Variants in APIP observed in about 807,000 individuals in gnomAD.
The protein encoded by APIP is methylthioribulose-1-phosphate dehydratase.
Under a neutral mutation model 32.0 loss-of-function variants are expected in APIP, and 32 were observed. The ratio of observed to expected loss-of-function variants is 1.00; its 90% CI spans 0.76 to 1.34. The LOEUF (loss-of-function observed/expected upper bound fraction) is 1.34, where lower values mean the gene tolerates loss of function less well. APIP is among the 40% of genes most tolerant of loss of function. The pLI, the probability that APIP is intolerant of heterozygous loss-of-function variation, is 0.00. For missense variants in APIP, 247 were observed against 298.6 expected, an observed-to-expected ratio of 0.83 and a Z score of 1.27; for synonymous variants, 92 against 94.8, an observed-to-expected ratio of 0.97 and a Z score of 0.17.
intron 1 of APIP, 113 bp downstream of exon 1, chr11:34,916,115 C>G (rs1265319834): frequency 7.1e-7 from 1 of 1,416,328 alleles, no homozygotes; most frequent in South Asian, 1.3e-5. Context: ...AGGCCCGAAA[C>G]CCCGCCCCGC....
chr11:34,888,945 C>G (rs1853137581), intron 3 of APIP, 76 bp from the exon 4 acceptor site: 2 of 818,602 alleles, frequency 2.4e-6, no homozygotes, highest in East Asian at 6.1e-5. Context: ...TTCTTGTGTA[C>G]ATATACATAA....
intron 1 of APIP, among the ~76,000 whole-genome samples, chr11:34,897,597 A>G (rs914007002): frequency 4.6e-5 from 7 of 152,024 alleles, no homozygotes; most frequent in African/African-American, 7.2e-5. Context: ...TGCAGCTCCA[A>G]AAACATTTCT....
At chr11:34,897,040 G>A (rs1280580008) in intron 1 of APIP, among the ~76,000 whole-genome samples, 2 of 152,116 alleles carry the variant, frequency 1.3e-5, no homozygotes, top group East Asian at 3.8e-4. Context: ...GGGTAAAGGG[G>A]GAAAAACATC....
intron 1 of APIP, among the ~76,000 whole-genome samples, chr11:34,901,887 C>T (rs1390878919): frequency 6.6e-6 from 1 of 152,134 alleles, no homozygotes; most frequent in African/African-American, 2.4e-5. Flanking sequence ...ACAGTATCCC[C>T]TGAGCCCAGA....
intron 1 of APIP, among the ~76,000 whole-genome samples, chr11:34,897,369 T>C (rs1214062296): frequency 6.6e-6 from 1 of 152,222 alleles, no homozygotes; most frequent in Non-Finnish European, 1.5e-5. Context: ...GCTGTGAGGA[T>C]TAAAATGAGA....
At chr11:34,903,161 C>T (rs941496836) in intron 1 of APIP, among the ~76,000 whole-genome samples, 12 of 152,250 alleles carry the variant, frequency 7.9e-5, no homozygotes, top group Non-Finnish European at 1.3e-4. Context: ...CAGCCACCTT[C>T]TTCCCCAAGG....
intron 1 of APIP, among the ~76,000 whole-genome samples, chr11:34,900,718 C>T (rs1023391366): frequency 5.3e-5 from 8 of 152,008 alleles, no homozygotes; most frequent in African/African-American, 1.7e-4. Context: ...AGTGGAAACT[C>T]CATTCCTACT....
intron 1 of APIP, among the ~76,000 whole-genome samples, chr11:34,901,186 A>G (rs1018930181): frequency 4.6e-5 from 7 of 152,140 alleles, no homozygotes; most frequent in Non-Finnish European, 1.0e-4. Flanking sequence ...GCAAGCTTGC[A>G]AAGTCCAGAA....
chr11:34,908,638 C>T (rs7113708), intron 1 of APIP, among the ~76,000 whole-genome samples: 28,856 of 152,286 alleles, frequency 0.19, 3,910 homozygotes, highest in African/African-American at 0.39. Flanking sequence ...GTCAGTGATA[C>T]TTTCTGGGCA....
rs568178086 is a variant in APIP at position 34,913,064 on chromosome 11, A to G, written c.57+3164T>C. ...CTTTTCTCACTACACACATCTAATCAATAACCAAGACCTCCTGATTTTACT... is the reference window on the plus strand; with the variant it reads ...CTTTTCTCACTACACACATCTAATCGATAACCAAGACCTCCTGATTTTACT... On this transcript the variant is annotated intron_variant, in intron 1 of 6. Coordinates refer to ENST00000395787, the MANE Select transcript of APIP (RefSeq NM_015957.4). Among the ~76,000 whole-genome samples the G allele has an allele frequency of 2.0e-5, 3 of 152,190 alleles. No individual in the cohort carries two copies. The South Asian group carries it at 6.2e-4, about 32-fold the overall frequency.
At chr11:34,897,987 G>C (rs2133913878) in intron 1 of APIP, among the ~76,000 whole-genome samples, 1 of 151,948 alleles carries the variant, frequency 6.6e-6, no homozygotes, top group East Asian at 1.9e-4. Flanking sequence ...TCTGTACAGG[G>C]GAGCTTCTTT....
chr11:34,905,852 T>C (rs540683586), intron 1 of APIP, among the ~76,000 whole-genome samples: 2 of 152,300 alleles, frequency 1.3e-5, no homozygotes, highest in East Asian at 3.9e-4. Context: ...TCATGTTTGC[T>C]AATAGTAGCG....
At chr11:34,886,694 T>A (rs1010412755) in intron 5 of APIP, among the ~76,000 whole-genome samples, 4 of 151,166 alleles carry the variant, frequency 2.6e-5, no homozygotes, top group African/African-American at 7.3e-5. Context: ...TACATCATAT[T>A]TTTTTTTTAC....
intron 1 of APIP, among the ~76,000 whole-genome samples, chr11:34,912,761 C>T (rs2956117): frequency 0.37 from 56,768 of 152,070 alleles, 10,986 homozygotes; most frequent in East Asian, 0.74. Context: ...TGGCTCTCCT[C>T]GCTCCTCAGC....
chr11:34,893,186 T>A (rs1212998043), intron 2 of APIP, among the ~76,000 whole-genome samples: 3 of 152,202 alleles, frequency 2.0e-5, no homozygotes, highest in African/African-American at 7.2e-5. Context: ...AGTGCATGGA[T>A]TAGTAAAATT....
chr11:34,911,758 T>A (rs1853555546), intron 1 of APIP, among the ~76,000 whole-genome samples: 1 of 152,156 alleles, frequency 6.6e-6, no homozygotes, highest in Non-Finnish European at 1.5e-5. Flanking sequence ...TTGGTTTCCA[T>A]CTGGCCAATC....
intron 1 of APIP, among the ~76,000 whole-genome samples, chr11:34,907,710 T>A (rs1198131146): frequency 6.6e-6 from 1 of 152,226 alleles, no homozygotes; most frequent in East Asian, 1.9e-4. Context: ...GATCTGGTTT[T>A]CAGTTATAAT....
intron 1 of APIP, among the ~76,000 whole-genome samples, chr11:34,915,572 G>A (rs906632260): frequency 1.6e-4 from 25 of 152,122 alleles, no homozygotes; most frequent in Admixed American, 1.6e-3. Context: ...TTTATCTTAC[G>A]TATCCCTATC....
chr11:34,897,851 C>T (rs1368620781), intron 1 of APIP, among the ~76,000 whole-genome samples: 1 of 152,060 alleles, frequency 6.6e-6, no homozygotes, highest in Non-Finnish European at 1.5e-5. Flanking sequence ...GAGTGACATA[C>T]CTGGTCAAAC....
Sources: gnomAD v4.1 joint callset for allele counts (sites outside exome capture counted in the v4.1 genomes callset) on GRCh38, gnomAD v4.1.1 for gene constraint, MANE v1.5 for transcripts, NCBI Gene and HGNC (gene_info 2026-07-23, HGNC 2026-07-21) for gene names.